HAUS7: variants seen among roughly 807,000 people sequenced by gnomAD.
The protein encoded by HAUS7 is HAUS augmin like complex subunit 7.
In HAUS7, 3 loss-of-function variants were observed where a neutral mutation model predicts 28.4. The observed-to-expected ratio is 0.11, with a 90% CI of 0.05 to 0.27. The LOEUF (loss-of-function observed/expected upper bound fraction) is 0.27, where lower values mean the gene tolerates loss of function less well. Ranked by LOEUF, HAUS7 falls within the 10% of genes least tolerant of loss-of-function variation. HAUS7 has a pLI of 1.00. For synonymous variants in HAUS7, 165 were observed against 132.1 expected, an observed-to-expected ratio of 1.25 and a Z score of -1.71; for missense variants, 284 against 297.3, an observed-to-expected ratio of 0.96 and a Z score of 0.33.
upstream of HAUS7, among the ~76,000 whole-genome samples, chrX:153,472,413 G>A (rs1283772543): frequency 4.8e-5 from 4 of 84,043 alleles, no homozygotes; most frequent in East Asian, 6.3e-4. Flanking sequence ...CCCTGCCCAC[G>A]CCACCCCACC....
At chrX:153,447,976 T>G (rs782094857) in intron 9 of HAUS7, 67 bp from the exon 10 acceptor site, 239 of 893,357 alleles carry the variant, frequency 2.7e-4, no homozygotes, top group South Asian at 2.1e-3. Context: ...ATTGTGGAAG[T>G]CAGTGTGGCG....
chrX:153,493,532 C>T (rs1230062998), intron 1 of HAUS7, among the ~76,000 whole-genome samples: 9 of 112,310 alleles, frequency 8.0e-5, no homozygotes, highest in African/African-American at 2.6e-4. Flanking sequence ...CTGGAAAGGG[C>T]ATATGTGGTC....
intron 1 of HAUS7, chrX:153,487,052 C>G (rs782653072): frequency 3.9e-5 from 10 of 256,904 alleles, no homozygotes; most frequent in South Asian, 1.5e-4. Flanking sequence ...CACCAGCCAG[C>G]CTCCCTCCCT....
chrX:153,470,851 C>CG (rs782074532), upstream of HAUS7: 21 of 374,261 alleles, frequency 5.6e-5, no homozygotes, highest in South Asian at 2.2e-4. Context: ...GGGCGGACAC[C>CG]GGGAAAGGGG....
intron 3 of HAUS7, 112 bp from the exon 4 acceptor site, chrX:153,462,783 G>A: frequency 1.6e-6 from 1 of 607,924 alleles, no homozygotes; most frequent in Non-Finnish European, 2.8e-6. Context: ...GGAGACCAGG[G>A]TGGGCCAGGA....
intron 9 of HAUS7, among the ~76,000 whole-genome samples, chrX:153,453,014 T>G (rs1358454324): frequency 1.8e-5 from 2 of 112,193 alleles, no homozygotes; most frequent in Non-Finnish European, 3.8e-5. Flanking sequence ...AGACTTACGA[T>G]GTACATAGCC....
intron 1 of HAUS7, among the ~76,000 whole-genome samples, chrX:153,494,740 G>C (rs1444471276): frequency 3.1e-5 from 2 of 64,365 alleles, no homozygotes; most frequent in East Asian, 3.8e-4. Context: ...AGGCGGGGGA[G>C]GGGGGGGGAG....
At position 153,454,401 on chromosome X, in the gene HAUS7, C is replaced by G; in HGVS notation, c.1038G>C (p.Met346Ile). Residue 346 changes from methionine (M) to isoleucine (I), a missense_variant, in exon 9 of 10, where the codon ATG becomes ATC. Transcript: ENST00000370211. ...AGGTGGGCAGCCACGTACCTAGACT[C>G]ATGACGGAGCTGCTGCCACCCCAGC... ...QICWGGSSSVMSLATKMNELM... is the reference protein window; with the variant it reads ...QICWGGSSSVISLATKMNELM... 1 of 1,162,232 alleles carries G rather than the reference C, an allele frequency of 8.6e-7. No individual in the cohort carries two copies. The highest frequency in any genetic ancestry group is 1.8e-5 in the South Asian group (1 of 55,901).
intron 1 of HAUS7, among the ~76,000 whole-genome samples, chrX:153,490,646 C>T (rs1339441252): frequency 8.9e-6 from 1 of 112,926 alleles, no homozygotes; most frequent in South Asian, 3.6e-4. Flanking sequence ...TGGGAATGGA[C>T]GAAGCCCACA....
At chrX:153,476,499 G>A (rs2089563218) in intron 1 of HAUS7, among the ~76,000 whole-genome samples, 1 of 112,101 alleles carries the variant, frequency 8.9e-6, no homozygotes, top group Admixed American at 9.4e-5. Context: ...GGAAGGGAAG[G>A]GGGAGGAGGA....
rs781994853 is a variant in HAUS7 at position 153,456,357 on chromosome X, C to A, written c.613G>T (p.Ala205Ser). 3.3e-6 allele frequency: 4 copies of A among 1,205,965 alleles called. No individual in the cohort carries two copies. In the African/African-American group the frequency reaches 7.0e-5, roughly 21 times the overall value. ...KQSDDWQWASASAKSEEEEKL... is the reference protein window; with the variant it reads ...KQSDDWQWASSSAKSEEEEKL... ...TCCTCCTCCTCGGACTTGGCAGAGG[C>A]ACTGGCCCTGCAGGGAGAGAAAGGG... Residue 205 changes from alanine to serine, a missense_variant, in exon 7 of 10, where the codon GCC becomes TCC. By Grantham distance (99) the Ala-to-Ser change is moderately conservative. Coordinates refer to ENST00000370211, the MANE Select transcript of HAUS7 (RefSeq NM_001385482.1).
intron 4 of HAUS7, among the ~76,000 whole-genome samples, chrX:153,457,690 G>A (rs193025517): frequency 1.4e-3 from 156 of 113,216 alleles, no homozygotes; most frequent in African/African-American, 4.6e-3. Context: ...CAGGGGACTG[G>A]CGTTCCAGCC....
chrX:153,454,495 A>G lies in HAUS7; in HGVS notation c.944T>C (p.Val315Ala). The change falls in exon 9 of 10, where the codon GTC becomes GCC. Residue 315 changes from valine (V) to alanine (A), a missense_variant. By Grantham distance (64) the Val-to-Ala change is moderately conservative. Coordinates refer to ENST00000370211, the MANE Select transcript of HAUS7 (RefSeq NM_001385482.1). ...CGCAGAGGTGTCAGCAACTGCCATG[A>G]CCACTTGCAGCAGCTGGGGAGGGAG... ...LTSYSQLLQVVMAVADTSAKA... is the reference protein window; with the variant it reads ...LTSYSQLLQVAMAVADTSAKA... The G allele has an allele frequency of 1.4e-6, 1 of 732,427 alleles. No homozygotes were observed. Among genetic ancestry groups the G allele is most frequent in the South Asian group, 2.2e-5 (1 of 45,667 alleles). The allele number at this position is 732,427 out of a possible 1,213,427, so 60.4% of individuals were successfully genotyped here. A position where few individuals can be genotyped will look rare whatever the true frequency, so the allele number is the denominator to read the frequency against.
chrX:153,454,039 T>C (rs968411905), intron 9 of HAUS7, among the ~76,000 whole-genome samples: 1 of 111,167 alleles, frequency 9.0e-6, no homozygotes, highest in Non-Finnish European at 1.9e-5. Flanking sequence ...GGCTGATCTC[T>C]ATGCTCAAAG....
intron 1 of HAUS7, chrX:153,487,182 C>T (rs1164985491): frequency 9.9e-6 from 2 of 202,853 alleles, no homozygotes; most frequent in South Asian, 7.0e-5. Flanking sequence ...GAGAGCCTCC[C>T]CACCCCCACC....
rs782815251 is a variant in HAUS7, at chrX:153,485,266, G to A, written c.-589+10108C>T. On this transcript the variant is annotated intron_variant, in intron 1 of 5. Transcript: ENST00000370210. Reference sequence around the variant, plus strand: ...TCCACACATCTGAGGATAAGACTGGGAGAGGCAGGATGAGGGCAGGAGAGT... The same window carrying A: ...TCCACACATCTGAGGATAAGACTGGAAGAGGCAGGATGAGGGCAGGAGAGT... Among the ~76,000 whole-genome samples the A allele has an allele frequency of 2.7e-5, 3 of 112,297 alleles. No homozygotes were observed. The South Asian group carries it at 1.1e-3, about 42-fold the overall frequency.
intron 4 of HAUS7, chrX:153,462,310 G>A (rs1160602893): frequency 4.7e-6 from 2 of 429,419 alleles, no homozygotes; most frequent in African/African-American, 5.3e-5. Context: ...ATCAACCAAG[G>A]ACAGGACACT....
intron 1 of HAUS7, chrX:153,485,715 C>T (rs1207814351): frequency 1.3e-6 from 1 of 760,178 alleles, no homozygotes; most frequent in Non-Finnish European, 1.6e-6. Context: ...TGGAACTCCC[C>T]TCTAGGAGTT....
At position 153,454,446 on chromosome X, in the gene HAUS7, C is replaced by T; in HGVS notation, c.993G>A (p.Lys331=). 2 of 1,104,483 alleles carry T rather than the reference C, an allele frequency of 1.8e-6. No homozygotes were observed. The highest frequency in any genetic ancestry group is 2.4e-6 in the Non-Finnish European group (2 of 828,909). 91.0% of individuals were successfully genotyped at this position (1,104,483 alleles called of 1,213,427 possible). A position where few individuals can be genotyped will look rare whatever the true frequency, so the allele number is the denominator to read the frequency against. ...CCCAGCAGATCTGCTCGCCTTGCTG[C>T]TTCTTCACGGTCTCCACGGCCTTCG... ...TSAKAVETVK[K]QQGEQICWGG... Residue 331 remains lysine (K), a synonymous_variant, in exon 9 of 10, where the codon AAG becomes AAA. Transcript: ENST00000370211.
Sources: gnomAD v4.1 joint callset for allele counts (sites outside exome capture counted in the v4.1 genomes callset) on GRCh38, gnomAD v4.1.1 for gene constraint, MANE v1.5 for transcripts, NCBI Gene and HGNC (gene_info 2026-07-23, HGNC 2026-07-21) for gene names.